DNAH17: variants seen among roughly 807,000 people sequenced by gnomAD.
DNAH17 encodes the protein axonemal beta dynein heavy chain 17.
DNAH17 carries 376 observed loss-of-function variants against 485.6 expected under a neutral mutation model. The ratio of observed to expected loss-of-function variants is 0.77; its 90% CI spans 0.71 to 0.84. The LOEUF is 0.84. Among genes scored for constraint, DNAH17 ranks in the 40% least tolerant of loss-of-function variants. DNAH17 has a pLI of 0.00. For synonymous variants in DNAH17, 3,031 were observed against 2,405.9 expected, an observed-to-expected ratio of 1.26 and a Z score of -7.60; for missense variants, 6,370 against 5,839.3, an observed-to-expected ratio of 1.09 and a Z score of -2.96.
intron 66 of DNAH17, 110 bp downstream of exon 66, chr17:78,451,359 G>A: frequency 1.0e-6 from 1 of 1,001,610 alleles, no homozygotes; most frequent in Non-Finnish European, 1.5e-6. Context: ...TCAGAGAGAA[G>A]CAACGACACA....
At position 78,537,341 on chromosome 17, in the gene DNAH17, G is replaced by A. The variant is rs777180977; in HGVS notation, c.2817C>T (p.Ala939=). 6.2e-6 allele frequency: 10 copies of A among 1,600,742 alleles called. No individual in the cohort carries two copies. The highest frequency in any genetic ancestry group is 4.0e-5 in the African/African-American group (3 of 74,610). The change falls in exon 19 of 81, where the codon GCC becomes GCT. Residue 939 remains alanine, a synonymous_variant. Coordinates refer to ENST00000389840, the MANE Select transcript of DNAH17 (RefSeq NM_173628.4). The part of the protein sequence containing the change: ...EGLVNDIYNV[A]RLIPRLAKDR... The stretch of plus-strand genomic sequence containing the variant: ...CCTTGGCCAGCCGAGGGATGAGCCT[G>A]GCTACGTTGTAGATGTCGTTGACCA...
chr17:78,484,746 C>CGG, intron 48 of DNAH17, 122 bp downstream of exon 48: 12 of 295,260 alleles, frequency 4.1e-5, no homozygotes, highest in Non-Finnish European at 6.0e-5. Flanking sequence ...AGCACCCCCC[C>CGG]CACCGCCCCA....
intron 13 of DNAH17, 92 bp from the exon 14 acceptor site, chr17:78,558,346 G>A: frequency 4.1e-6 from 6 of 1,461,382 alleles, no homozygotes; most frequent in South Asian, 1.4e-5. Flanking sequence ...GCCCTGGGAT[G>A]TTTTGACAGC....
Position 78,537,646 on chromosome 17 carries a change from C to T in DNAH17, c.2677-165G>A, listed in dbSNP as rs367686931. Among the ~76,000 whole-genome samples, 123 of 152,288 alleles carry T rather than the reference C, an allele frequency of 8.1e-4. 1 individual carries two copies. Among genetic ancestry groups the T allele is most frequent in the African/African-American group, 2.9e-3 (119 of 41,558 alleles). ...CAGCGCACCCCGCTCCTTGAGCAATCGCTACAGAGCCAAATGTACAGCCAC... is the reference window on the plus strand; with the variant it reads ...CAGCGCACCCCGCTCCTTGAGCAATTGCTACAGAGCCAAATGTACAGCCAC... On this transcript the variant is annotated intron_variant, in intron 18 of 80. Coordinates refer to ENST00000389840, the MANE Select transcript of DNAH17 (RefSeq NM_173628.4).
At chr17:78,511,167 A>G (rs929727583) in intron 26 of DNAH17, among the ~76,000 whole-genome samples, 2 of 152,130 alleles carry the variant, frequency 1.3e-5, no homozygotes, top group African/African-American at 4.8e-5. Flanking sequence ...CCTGGGCTGG[A>G]GTGCATCTTG....
At chr17:78,563,392 G>A (rs1598735247) in intron 11 of DNAH17, among the ~76,000 whole-genome samples, 1 of 150,816 alleles carries the variant, frequency 6.6e-6, no homozygotes, top group African/African-American at 2.5e-5. Context: ...ATTGACATGG[G>A]GCAGTTGGAA....
At chr17:78,485,479 G>C in intron 47 of DNAH17, 71 bp downstream of exon 47, 1 of 1,436,546 alleles carries the variant, frequency 7.0e-7, no homozygotes, top group South Asian at 1.3e-5. Context: ...CCTGCAGTGA[G>C]AGGGGACAGG....
Position 78,574,976 on chromosome 17 carries a change from T to C in DNAH17, c.82A>G (p.Ser28Gly). Residue 28 changes from serine (S) to glycine (G), a missense_variant, in exon 2 of 81, where the codon AGC becomes GGC. Coordinates refer to ENST00000389840, the MANE Select transcript of DNAH17 (RefSeq NM_173628.4). ...IVLKFKPDKW[S>G]KLIGAEENVA... Reference sequence around the variant, plus strand: ...TTCTCCTCGGCGCCTATCAGCTTGCTCCACTTGTCCGGCTTGAACTTCAGG... The same window carrying C: ...TTCTCCTCGGCGCCTATCAGCTTGCCCCACTTGTCCGGCTTGAACTTCAGG... 1 of 1,613,992 alleles carries C rather than the reference T, an allele frequency of 6.2e-7. No homozygotes were observed. The highest frequency in any genetic ancestry group is 8.5e-7 in the Non-Finnish European group (1 of 1,179,880).
chr17:78,531,335 G>GACTTTTTT (rs1312236366), intron 20 of DNAH17, among the ~76,000 whole-genome samples: 1 of 141,578 alleles, frequency 7.1e-6, no homozygotes, highest in African/African-American at 2.7e-5. Flanking sequence ...CATAAAGTCT[G>GACTTTTTT]TCTTTTTTTT....
chr17:78,541,381 A>ATGGATGGATGGATGGATGGGTGGATGGT (rs376183569), intron 17 of DNAH17, among the ~76,000 whole-genome samples: 3 of 146,402 alleles, frequency 2.0e-5, no homozygotes, highest in Non-Finnish European at 3.0e-5. Context: ...GTGTAAGTGG[A>ATGGATGGATGGATGGATGGGTGGATGGT]TGGATGGATG....
At position 78,526,698 on chromosome 17, in the gene DNAH17, C is replaced by A; in HGVS notation, c.3664G>T (p.Ala1222Ser). The part of the protein sequence containing the change: ...HEFRERFRRE[A>S]PFSFSDPNPY... ...TTGGGGTCGCTGAAGGAGAACGGGG[C>A]CTCGCGCCTGAACCTCTCCCTGAAC... Residue 1222 changes from alanine to serine, a missense_variant, in exon 24 of 81, where the codon GCC becomes TCC. Coordinates refer to ENST00000389840, the MANE Select transcript of DNAH17 (RefSeq NM_173628.4). 1 of 1,611,074 alleles carries A rather than the reference C, an allele frequency of 6.2e-7. No homozygotes were observed. Among genetic ancestry groups the A allele is most frequent in the Non-Finnish European group, 8.5e-7 (1 of 1,177,840 alleles).
intron 22 of DNAH17, among the ~76,000 whole-genome samples, chr17:78,527,486 T>C (rs891911434): frequency 7.9e-5 from 12 of 152,230 alleles, no homozygotes; most frequent in African/African-American, 2.7e-4. Context: ...CCTTTCATCA[T>C]GTTTTTAAAC....
rs373713036 is a variant in DNAH17, at chr17:78,537,201, A to G, written c.2859+98T>C. 1.2e-4 allele frequency: 163 copies of G among 1,333,228 alleles called. 1 individual carries two copies. In the Middle Eastern group the frequency reaches 1.9e-3, roughly 15 times the overall value. 82.6% of individuals were successfully genotyped at this position (1,333,228 alleles called of 1,614,324 possible). A position where few individuals can be genotyped will look rare whatever the true frequency, so the allele number is the denominator to read the frequency against. On this transcript the variant is annotated intron_variant, in intron 19 of 80. Transcript: ENST00000389840. ...TCAAAAAAAAAAAAAGAAAAAAAGA[A>G]AAGGTAAACGGCGAAGCCTTGCCGA...
intron 14 of DNAH17, among the ~76,000 whole-genome samples, chr17:78,553,775 A>G (rs1011439125): frequency 2.0e-5 from 3 of 152,230 alleles, no homozygotes; most frequent in African/African-American, 7.2e-5. Flanking sequence ...ATTAAGAATT[A>G]ACTGTGTATA....
At chr17:78,562,011 C>A in intron 11 of DNAH17, 31 bp from the exon 12 acceptor site, 1 of 1,535,728 alleles carries the variant, frequency 6.5e-7, no homozygotes. Context: ...GGCCTCTTCA[C>A]CACAGTCTCC....
At chr17:78,562,235 A>C (rs184548544) in intron 11 of DNAH17, among the ~76,000 whole-genome samples, 29 of 152,298 alleles carry the variant, frequency 1.9e-4, no homozygotes, top group Non-Finnish European at 3.2e-4. Context: ...CAAGGGCTAC[A>C]AGAGTTTTTT....
intron 21 of DNAH17, 92 bp downstream of exon 21, chr17:78,530,251 C>T: frequency 7.1e-7 from 1 of 1,418,402 alleles, no homozygotes; most frequent in East Asian, 2.5e-5. Context: ...CCAGAGGAGG[C>T]ACCTGACAAA....
In DNAH17 at chr17:78,485,585, G is replaced by A; in HGVS notation, c.7448C>T (p.Pro2483Leu). Reference protein sequence around the residue: ...NTDNYLVQAVPFNFYTTSAML... With the variant: ...NTDNYLVQAVLFNFYTTSAML... The stretch of plus-strand genomic sequence containing the variant: ...GGCTGAGGTCGTGTAGAAGTTGAAG[G>A]GCACAGCCTGCACCAGGTAGTTGTC... Residue 2483 changes from proline (P) to leucine (L), a missense_variant, in exon 47 of 81, where the codon CCC (proline) becomes CTC (leucine). Pro to Leu is a moderately conservative substitution (Grantham distance 98). Coordinates refer to ENST00000389840, the MANE Select transcript of DNAH17 (RefSeq NM_173628.4). The A allele has an allele frequency of 1.2e-6, 2 of 1,613,570 alleles. No homozygotes were observed. The highest frequency in any genetic ancestry group is 1.7e-6 in the Non-Finnish European group (2 of 1,179,758).
intron 11 of DNAH17, among the ~76,000 whole-genome samples, chr17:78,563,755 G>T (rs1329190396): frequency 6.9e-6 from 1 of 144,182 alleles, no homozygotes; most frequent in Non-Finnish European, 1.5e-5. Flanking sequence ...TCCGGAACAG[G>T]CAGGGGCTGG....
Sources: gnomAD v4.1 joint callset for allele counts (sites outside exome capture counted in the v4.1 genomes callset) on GRCh38, gnomAD v4.1.1 for gene constraint, MANE v1.5 for transcripts, NCBI Gene and HGNC (gene_info 2026-07-23, HGNC 2026-07-21) for gene names.